TBC1D8: variants seen among roughly 807,000 people sequenced by gnomAD.
The protein encoded by TBC1D8 is BUB2-like protein 1.
TBC1D8 carries 65 observed loss-of-function variants against 118.8 expected under a neutral mutation model. The ratio of observed to expected loss-of-function variants is 0.55; its 90% confidence interval spans 0.45 to 0.67. TBC1D8 has a LOEUF of 0.67. TBC1D8 is among the 30% of genes least tolerant of loss of function. The probability of loss-of-function intolerance (pLI) is 0.00; values close to 1 mark genes in which losing one functional copy is unlikely to be tolerated. For synonymous variants in TBC1D8, 566 were observed against 595.8 expected, an observed-to-expected ratio of 0.95 and a Z score of 0.73; for missense variants, 1,376 against 1,471.2, an observed-to-expected ratio of 0.94 and a Z score of 1.06.
chr2:101,126,930 A>C (rs1445780302), intron 1 of TBC1D8, among the ~76,000 whole-genome samples: 1 of 152,174 alleles, frequency 6.6e-6, no homozygotes, highest in Non-Finnish European at 1.5e-5. Context: ...TGCCCCTTCC[A>C]CCTTCTCATC....
intron 18 of TBC1D8, 72 bp from the exon 19 acceptor site, chr2:101,011,098 G>T: frequency 1.4e-6 from 2 of 1,419,676 alleles, no homozygotes; most frequent in Non-Finnish European, 9.8e-7. Flanking sequence ...AAACTATGTA[G>T]GAGAGAGGAG....
intron 1 of TBC1D8, among the ~76,000 whole-genome samples, chr2:101,098,363 G>A (rs1336962376): frequency 1.4e-5 from 2 of 146,156 alleles, no homozygotes; most frequent in Admixed American, 7.0e-5. Context: ...TGGGCAACAA[G>A]AGCAAAACTC....
At chr2:101,098,125 G>C (rs548203727) in intron 1 of TBC1D8, among the ~76,000 whole-genome samples, 176 of 152,298 alleles carry the variant, frequency 1.2e-3, no homozygotes, top group African/African-American at 4.0e-3. Flanking sequence ...AGAGATGGTT[G>C]CTCGCACCTG....
chr2:101,114,941 C>G (rs974490708), intron 1 of TBC1D8, among the ~76,000 whole-genome samples: 2 of 152,316 alleles, frequency 1.3e-5, no homozygotes, highest in Admixed American at 1.3e-4. Flanking sequence ...GGTCCCTGGT[C>G]TGACTTCCCC....
intron 17 of TBC1D8, chr2:101,019,222 G>A: frequency 1.7e-6 from 1 of 597,628 alleles, no homozygotes. Context: ...TTCTGCCCTT[G>A]CCTCTTCGAC....
At chr2:101,045,076 T>G (rs1368468829) in intron 5 of TBC1D8, among the ~76,000 whole-genome samples, 1 of 152,048 alleles carries the variant, frequency 6.6e-6, no homozygotes, top group African/African-American at 2.4e-5. Context: ...AGACTGTAAG[T>G]AAGGAGGGAA....
chr2:101,116,374 TA>T (rs1185730141), intron 1 of TBC1D8, among the ~76,000 whole-genome samples: 4 of 152,172 alleles, frequency 2.6e-5, no homozygotes, highest in Middle Eastern at 3.2e-3. Context: ...GTGGCTTGGG[TA>T]AGTAGCCTCA....
chr2:101,064,083 T>C (rs1280333747), intron 2 of TBC1D8, among the ~76,000 whole-genome samples: 1 of 152,206 alleles, frequency 6.6e-6, no homozygotes, highest in African/African-American at 2.4e-5. Context: ...GCTGCTATTA[T>C]GGCCTGAATT....
At chr2:101,043,452 G>T (rs1189842841) in intron 5 of TBC1D8, among the ~76,000 whole-genome samples, 2 of 152,196 alleles carry the variant, frequency 1.3e-5, no homozygotes, top group Non-Finnish European at 2.9e-5. Context: ...CACAAACGTG[G>T]TTCTAGTCGC....
At chr2:101,012,945 A>G (rs942561431) in intron 17 of TBC1D8, among the ~76,000 whole-genome samples, 1 of 152,244 alleles carries the variant, frequency 6.6e-6, no homozygotes, top group African/African-American at 2.4e-5. Context: ...AACAGGAGGA[A>G]AATTGCAAAC....
rs77727016 is a variant in TBC1D8, at chr2:101,109,846, T to A, written c.128-19482A>T. 2.3e-3 allele frequency: 2,220 copies of A among 985,450 alleles called. 44 individuals carry two copies. In the African/African-American group the frequency reaches 0.036, roughly 16 times the overall value. The allele number at this position is 985,450 out of a possible 1,614,324, so 61.0% of individuals were successfully genotyped here. ...CATCATTTACAAACCTACAGTTCCA[T>A]CTACATTCAGACTGACTTTCCCTCC... On this transcript the variant is annotated intron_variant, in intron 1 of 19. Coordinates refer to ENST00000409318, the MANE Select transcript of TBC1D8 (RefSeq NM_001330348.2).
chr2:101,129,891 C>T (rs1336118492), intron 1 of TBC1D8, among the ~76,000 whole-genome samples: 20 of 148,546 alleles, frequency 1.3e-4, no homozygotes, highest in African/African-American at 3.7e-4. Flanking sequence ...GGCAACAGGG[C>T]GAGACTCTGT....
intron 2 of TBC1D8, among the ~76,000 whole-genome samples, chr2:101,060,145 G>T (rs1301592508): frequency 6.6e-6 from 1 of 152,208 alleles, no homozygotes; most frequent in African/African-American, 2.4e-5. Flanking sequence ...CTAACGCAAA[G>T]AACTCTGACC....
At chr2:101,139,976 T>C (rs1391890969) in intron 1 of TBC1D8, among the ~76,000 whole-genome samples, 1 of 152,248 alleles carries the variant, frequency 6.6e-6, no homozygotes, top group Non-Finnish European at 1.5e-5. Flanking sequence ...CTGGCACTGC[T>C]GAATAAAATG....
intron 1 of TBC1D8, among the ~76,000 whole-genome samples, chr2:101,107,444 G>GA (rs906290079): frequency 1.7e-4 from 25 of 146,348 alleles, no homozygotes; most frequent in East Asian, 8.0e-4. Context: ...GGCCCAGACA[G>GA]AAAAAAAAAA....
Position 101,138,416 on chromosome 2 carries a change from C to T in TBC1D8, c.127+12711G>A, listed in dbSNP as rs532504083. On this transcript the variant is annotated intron_variant, in intron 1 of 19. Coordinates refer to ENST00000409318, the MANE Select transcript of TBC1D8 (RefSeq NM_001330348.2). Reference sequence around the variant, plus strand: ...GATGCCACCTGGGTGTTCTACAATTCCATTCAATTCTGACACTAACTACCT... The same window carrying T: ...GATGCCACCTGGGTGTTCTACAATTTCATTCAATTCTGACACTAACTACCT... Among the ~76,000 whole-genome samples the T allele has an allele frequency of 3.3e-5, 5 of 152,304 alleles. No homozygotes were observed. The South Asian group carries it at 6.2e-4, about 19-fold the overall frequency.
In TBC1D8 at chr2:101,113,340, A is replaced by G. The variant is rs377062889; in HGVS notation, c.128-22976T>C. On this transcript the variant is annotated intron_variant, in intron 1 of 19. Transcript: ENST00000409318. ...CTTCTAGCCTCTTTCCTTACTGGCC[A>G]TAGATTTAGACAATTCAGTTCCCAC... Among the ~76,000 whole-genome samples, 10 of 152,250 alleles carry G rather than the reference A, an allele frequency of 6.6e-5. No individual in the cohort carries two copies. The East Asian group carries it at 1.4e-3, about 21-fold the overall frequency.
intron 8 of TBC1D8, among the ~76,000 whole-genome samples, chr2:101,037,006 C>T (rs987173686): frequency 6.6e-6 from 1 of 152,206 alleles, no homozygotes; most frequent in East Asian, 1.9e-4. Context: ...CATGGTCCAG[C>T]GCAGCACCCT....
chr2:101,054,209 T>TA lies in TBC1D8; in HGVS notation c.529dup (p.Tyr177LeufsTer36). ...GCCCTTCCAACAGCAGCAGGAGTAG[T>TA]AGGTGACCAGCTTCTCCGCCTCGGG... On this transcript the variant is annotated frameshift_variant, in exon 4 of 20. Coordinates refer to ENST00000409318, the MANE Select transcript of TBC1D8 (RefSeq NM_001330348.2). LOFTEE classifies it high-confidence loss of function. The TA allele has an allele frequency of 6.2e-7, 1 of 1,612,754 alleles. No individual in the cohort carries two copies. Among genetic ancestry groups the TA allele is most frequent in the South Asian group, 1.1e-5 (1 of 90,678 alleles).
Sources: gnomAD v4.1 joint callset for allele counts (sites outside exome capture counted in the v4.1 genomes callset) on GRCh38, gnomAD v4.1.1 for gene constraint, MANE v1.5 for transcripts, NCBI Gene and HGNC (gene_info 2026-07-23, HGNC 2026-07-21) for gene names.